OR56A1: variants seen among roughly 807,000 people sequenced by gnomAD.
The protein encoded by OR56A1 is olfactory receptor family 56 subfamily A member 1.
For missense variants in OR56A1, 360 were observed against 380.9 expected, an observed-to-expected ratio of 0.94 and a Z score of 0.46; for synonymous variants, 174 against 159.1, an observed-to-expected ratio of 1.09 and a Z score of -0.70.
chr11:6,029,187 G>A (rs1848489183), intron 1 of OR56A1, among the ~76,000 whole-genome samples: 1 of 152,002 alleles, frequency 6.6e-6, no homozygotes, highest in African/African-American at 2.4e-5. Context: ...TGAGAATAAT[G>A]TACATCATTC....
intron 1 of OR56A1, among the ~76,000 whole-genome samples, chr11:6,028,601 G>A (rs747503707): frequency 1.3e-5 from 2 of 152,046 alleles, no homozygotes; most frequent in African/African-American, 2.4e-5. Context: ...ACCCTAGTCA[G>A]AATGGCTATT....
chr11:6,019,347 A>C lies in OR56A1; in HGVS notation c.*7401T>G, dbSNP rs1848370622. ...ATAACCAAGTGGGATTTATCCCAGG[A>C]ATGCAAAAATGGTTCAACGCATGCA... On this transcript the variant is annotated 3_prime_UTR_variant, in exon 2 of 2. Transcript: ENST00000641900. 6.6e-6 allele frequency: 1 copy of C among 152,202 alleles called. No homozygotes were observed. The highest frequency in any genetic ancestry group is 6.5e-5 in the Admixed American group (1 of 15,276). The allele number at this position is 152,202 out of a possible 1,614,324, so 9.4% of individuals were successfully genotyped here. A position where few individuals can be genotyped will look rare whatever the true frequency, so the allele number is the denominator to read the frequency against.
chr11:6,030,778 T>A (rs1277507876), upstream of OR56A1: 1 of 152,160 alleles, frequency 6.6e-6, no homozygotes, highest in Non-Finnish European at 1.5e-5. Context: ...TTACACAAGA[T>A]CAAGTCCTCC....
chr11:6,024,838 T>C lies in OR56A1; in HGVS notation c.*1910A>G, dbSNP rs1316492313. On this transcript the variant is annotated 3_prime_UTR_variant, in exon 2 of 2. Coordinates refer to ENST00000641900, the MANE Select transcript of OR56A1 (RefSeq NM_001388488.1). ...CTATTAGAGAATTCTGTGCTTAAAA[T>C]ATGACAAATACTGAGTTGAACCTGT... 6.6e-6 allele frequency: 1 copy of C among 152,134 alleles called. No individual in the cohort carries two copies. The highest frequency in any genetic ancestry group is 2.4e-5 in the African/African-American group (1 of 41,416). The allele number at this position is 152,134 out of a possible 1,614,324, so 9.4% of individuals were successfully genotyped here.
Position 6,022,678 on chromosome 11 carries a change from T to G in OR56A1, c.*4070A>C, listed in dbSNP as rs917303573. 6.6e-6 allele frequency: 1 copy of G among 152,148 alleles called. No individual in the cohort carries two copies. Among genetic ancestry groups the G allele is most frequent in the African/African-American group, 2.4e-5 (1 of 41,442 alleles). 9.4% of individuals were successfully genotyped at this position (152,148 alleles called of 1,614,324 possible). On this transcript the variant is annotated 3_prime_UTR_variant, in exon 2 of 2. Coordinates refer to ENST00000641900, the MANE Select transcript of OR56A1 (RefSeq NM_001388488.1). ...CTGGTCCCTATTGATTAAATGACTA[T>G]GTATAATTTATCATTTTGCTCAGTT...
upstream of OR56A1, among the ~76,000 whole-genome samples, chr11:6,031,888 T>A (rs1201075686): frequency 6.6e-6 from 1 of 151,680 alleles, no homozygotes; most frequent in East Asian, 1.9e-4. Context: ...AATAGTAACA[T>A]TGAAGGGGTG....
At chr11:6,032,971 C>T (rs1848526792), upstream of OR56A1, among the ~76,000 whole-genome samples, 1 of 152,106 alleles carries the variant, frequency 6.6e-6, no homozygotes, top group South Asian at 2.1e-4. Context: ...TTCTATTTTA[C>T]CATCCCTGAG....
chr11:6,027,608 A>G lies in OR56A1; in HGVS notation c.85T>C (p.Trp29Arg). 6.2e-7 allele frequency: 1 copy of G among 1,613,902 alleles called. No homozygotes were observed. Among genetic ancestry groups the G allele is most frequent in the South Asian group, 1.1e-5 (1 of 90,996 alleles). Residue 29 changes from tryptophan to arginine, a missense_variant, in exon 2 of 2, where the codon TGG becomes CGG. Coordinates refer to ENST00000641900, the MANE Select transcript of OR56A1 (RefSeq NM_001388488.1). ...AGAAGGCTGAGGGGCAGGGAGAGCC[A>G]GTGCTGCCAACTCTGGAAGTTGGGG... ...CFPNFQSWQHWLSLPLSLLFL... is the reference protein window; with the variant it reads ...CFPNFQSWQHRLSLPLSLLFL...
chr11:6,027,822 C>A (rs1011027235), intron 1 of OR56A1, 96 bp from the exon 2 acceptor site: 24 of 771,356 alleles, frequency 3.1e-5, no homozygotes, highest in Non-Finnish European at 3.3e-5. Flanking sequence ...ATAGGTAGTT[C>A]ACTTTTGCCA....
At position 6,028,133 on chromosome 11, in the gene OR56A1, G is replaced by C. The variant is rs185017881; in HGVS notation, c.-34-407C>G. On this transcript the variant is annotated intron_variant, in intron 1 of 1. Coordinates refer to ENST00000641900, the MANE Select transcript of OR56A1 (RefSeq NM_001388488.1). The stretch of plus-strand genomic sequence containing the variant: ...TCTACTATACACCAATATAATTTGA[G>C]ATGGATATTTTTGTTACATCTCTTA... 1.0e-3 allele frequency among the ~76,000 whole-genome samples: 157 copies of C among 152,066 alleles called. 1 individual carries two copies. Among genetic ancestry groups the C allele is most frequent in the African/African-American group, 3.5e-3 (147 of 41,502 alleles).
At position 6,022,254 on chromosome 11, in the gene OR56A1, CT is replaced by C. The variant is rs1484745679; in HGVS notation, c.*4493del. Reference sequence around the variant, plus strand: ...GCTTACAAAATCCTGCATATTCTTTCTCTTTCTGGCTTGCCACCCAGATTCA... The same window carrying C: ...GCTTACAAAATCCTGCATATTCTTTCCTTTCTGGCTTGCCACCCAGATTCA... On this transcript the variant is annotated 3_prime_UTR_variant, in exon 2 of 2. Coordinates refer to ENST00000641900, the MANE Select transcript of OR56A1 (RefSeq NM_001388488.1). 2 of 152,088 alleles carry C rather than the reference CT, an allele frequency of 1.3e-5. No homozygotes were observed. Among genetic ancestry groups the C allele is most frequent in the African/African-American group, 4.8e-5 (2 of 41,434 alleles). 9.4% of individuals were successfully genotyped at this position (152,088 alleles called of 1,614,324 possible).
rs1382827640 is a variant in OR56A1, at chr11:6,020,895, G to A, written c.*5853C>T. 4 of 151,954 alleles carry A rather than the reference G, an allele frequency of 2.6e-5. No individual in the cohort carries two copies. The highest frequency in any genetic ancestry group is 1.9e-4 in the East Asian group (1 of 5,190). 9.4% of individuals were successfully genotyped at this position (151,954 alleles called of 1,614,324 possible). ...TCTTTGCCTTGTGCCAGTTTTATAG[G>A]GGAATGCTTCCATCTTTTGCCCATT... On this transcript the variant is annotated 3_prime_UTR_variant, in exon 2 of 2. Transcript: ENST00000641900.
chr11:6,031,971 G>GA (rs1414122518), upstream of OR56A1, among the ~76,000 whole-genome samples: 2 of 152,006 alleles, frequency 1.3e-5, no homozygotes, highest in Non-Finnish European at 2.9e-5. Context: ...AGATGCCCCA[G>GA]AAAAAACCAA....
Position 6,025,759 on chromosome 11 carries a change from G to A in OR56A1, c.*989C>T, listed in dbSNP as rs1848440869. 2 of 152,094 alleles carry A rather than the reference G, an allele frequency of 1.3e-5. No individual in the cohort carries two copies. The highest frequency in any genetic ancestry group is 4.8e-5 in the African/African-American group (2 of 41,414). The allele number at this position is 152,094 out of a possible 1,614,324, so 9.4% of individuals were successfully genotyped here. On this transcript the variant is annotated 3_prime_UTR_variant, in exon 2 of 2. Coordinates refer to ENST00000641900, the MANE Select transcript of OR56A1 (RefSeq NM_001388488.1). ...ATGACCCAACCTCTTTCCAAGTGGA[G>A]GTTTCTTCCCATAGATACTGTTTAT...
At chr11:6,031,871 C>T (rs1357554582), upstream of OR56A1, among the ~76,000 whole-genome samples, 1 of 151,842 alleles carries the variant, frequency 6.6e-6, no homozygotes, top group African/African-American at 2.4e-5. Flanking sequence ...AGATTGGAAC[C>T]CTAGAAAATA....
At chr11:6,031,496 G>A (rs569636610), upstream of OR56A1, among the ~76,000 whole-genome samples, 7 of 152,240 alleles carry the variant, frequency 4.6e-5, no homozygotes, top group South Asian at 2.1e-4. Flanking sequence ...GAGAAGTGAC[G>A]TGCAACTGAA....
At chr11:6,027,794 C>T (rs1848471976) in intron 1 of OR56A1, 68 bp from the exon 2 acceptor site, 1 of 994,296 alleles carries the variant, frequency 1.0e-6, no homozygotes, top group African/African-American at 1.6e-5. Context: ...CTTTCACTTA[C>T]TCTTTAGGAA....
upstream of OR56A1, among the ~76,000 whole-genome samples, chr11:6,031,615 A>G (rs578220244): frequency 6.6e-6 from 1 of 152,314 alleles, no homozygotes; most frequent in Non-Finnish European, 1.5e-5. Context: ...AGAAGCCCAG[A>G]GTGACCCCCG....
chr11:6,027,637 C>T lies in OR56A1; in HGVS notation c.56G>A (p.Cys19Tyr). The T allele has an allele frequency of 6.2e-7, 1 of 1,611,562 alleles. No individual in the cohort carries two copies. The change falls in exon 2 of 2, where the codon TGC (cysteine) becomes TAC (tyrosine). Residue 19 changes from cysteine (C) to tyrosine (Y), a missense_variant. By Grantham distance (194) the Cys-to-Tyr change is radical (BLOSUM62 -2). Transcript: ENST00000641900. ...CTGCCAACTCTGGAAGTTGGGGAAG[C>T]AGATGAGGAGGAATTCAGAGACTGG... The part of the protein sequence containing the change: ...TVPVSEFLLI[C>Y]FPNFQSWQHW...
Sources: gnomAD v4.1 joint callset for allele counts (sites outside exome capture counted in the v4.1 genomes callset) on GRCh38, gnomAD v4.1.1 for gene constraint, MANE v1.5 for transcripts, NCBI Gene and HGNC (gene_info 2026-07-23, HGNC 2026-07-21) for gene names.